GP2: variants seen among roughly 807,000 people sequenced by gnomAD.
GP2 encodes glycoprotein 2.
Under a neutral mutation model 60.8 loss-of-function variants are expected in GP2, and 58 were observed. The observed-to-expected ratio is 0.95, with a 90% CI of 0.77 to 1.19. The LOEUF is 1.19. Ranked by LOEUF, GP2 falls within the 50% of genes most tolerant of loss-of-function variation. The pLI is 0.00. For synonymous variants in GP2, 280 were observed against 253.4 expected (o/e 1.10, Z -1.00); for missense variants, 647 against 667.4 (o/e 0.97, Z 0.34).
In GP2 at chr16:20,320,325, C is replaced by T. The variant is rs978533153; in HGVS notation, c.795G>A (p.Glu265=). The change falls in exon 5 of 11, where the codon GAG becomes GAA. Residue 265 remains glutamate, a synonymous_variant. Transcript: ENST00000302555. ...DPNCSSILQT[E]ERNWVSVTSP... ...TGGTCACAGATACCCAGTTCCTCTC[C>T]TCTGTCTGCAAGATGCTGCTGCAGT... The T allele has an allele frequency of 6.2e-7, 1 of 1,614,184 alleles. No individual in the cohort carries two copies. Among genetic ancestry groups the T allele is most frequent in the African/African-American group, 1.3e-5 (1 of 75,064 alleles).
rs183486625 is a variant in GP2 at position 20,320,841 on chromosome 16, A to G, written c.647-368T>C. 9.2e-5 allele frequency among the ~76,000 whole-genome samples: 14 copies of G among 152,302 alleles called. No homozygotes were observed. The South Asian group carries it at 1.7e-3, about 18-fold the overall frequency. ...GCTATCATATTTTAACTCAACATTT[A>G]TTCAACACACAACTTCTTGAGAATC... On this transcript the variant is annotated intron_variant, in intron 4 of 10. Transcript: ENST00000302555.
chr16:20,318,113 G>C, intron 7 of GP2, 72 bp downstream of exon 7: 1 of 1,235,684 alleles, frequency 8.1e-7, no homozygotes, highest in African/African-American at 1.5e-5. Context: ...ACGTCTGCTG[G>C]GGATGGATGA....
rs150319890 is a variant in GP2 at position 20,326,340 on chromosome 16, C to T, written c.92G>A (p.Arg31Gln). The change falls in exon 2 of 11, where the codon CGA (arginine) becomes CAA (glutamine). Residue 31 changes from arginine to glutamine, a missense_variant and splice_region_variant. Arg to Gln is a conservative substitution (Grantham distance 43). Coordinates refer to ENST00000302555, the MANE Select transcript of GP2 (RefSeq NM_001502.4). ...TGCCAGGTGAGCAGAATACTTACCTCGCTGCACTGCAGATGCCTGGGTCAG... is the reference window on the plus strand; with the variant it reads ...TGCCAGGTGAGCAGAATACTTACCTTGCTGCACTGCAGATGCCTGGGTCAG... The part of the protein sequence containing the change: ...CILTQASAVQ[R>Q]GYGNPIEASS... 232 of 1,613,638 alleles carry T rather than the reference C, an allele frequency of 1.4e-4. No individual in the cohort carries two copies. Among genetic ancestry groups the T allele is most frequent in the South Asian group, 8.8e-5 (8 of 91,076 alleles).
At position 20,327,476 on chromosome 16, in the gene GP2, G is replaced by A; in HGVS notation, c.-46C>T. 7.8e-7 allele frequency: 1 copy of A among 1,288,704 alleles called. No individual in the cohort carries two copies. The highest frequency in any genetic ancestry group is 1.0e-6 in the Non-Finnish European group (1 of 988,332). 79.8% of individuals were successfully genotyped at this position (1,288,704 alleles called of 1,614,324 possible). On this transcript the variant is annotated 5_prime_UTR_variant, in exon 1 of 11. Transcript: ENST00000302555. ...TTAAAGCAGGACTTACCTCCGATGA[G>A]AACACAAAGCGTTCCTCCTCTGGCC... is the stretch of plus-strand genomic sequence containing the variant.
In GP2 at chr16:20,319,674, G is replaced by A. The variant is rs1452855493; in HGVS notation, c.953C>T (p.Ala318Val). Reference protein sequence around the residue: ...DTILNINFQCAYPLDMKVSLQ... With the variant: ...DTILNINFQCVYPLDMKVSLQ... Reference sequence around the variant, plus strand: ...GCTGACTTTCATGTCCAGTGGGTAGGCACATTGGAAGTTGATGTTGAGGAT... The same window carrying A: ...GCTGACTTTCATGTCCAGTGGGTAGACACATTGGAAGTTGATGTTGAGGAT... Residue 318 changes from alanine (A) to valine (V), a missense_variant, in exon 6 of 11, where the codon GCC (alanine) becomes GTC (valine). Physicochemically the swap from Ala to Val is moderately conservative, Grantham distance 64. Coordinates refer to ENST00000302555, the MANE Select transcript of GP2 (RefSeq NM_001502.4). The A allele has an allele frequency of 1.9e-6, 3 of 1,606,794 alleles. No homozygotes were observed. The highest frequency in any genetic ancestry group is 2.7e-5 in the African/African-American group (2 of 74,884).
intron 3 of GP2, chr16:20,323,496 CTT>C (rs367921185): frequency 2.6e-6 from 1 of 378,260 alleles, no homozygotes; most frequent in South Asian, 2.5e-5. Context: ...CCCCCCCCCC[CTT>C]TTTTTCAGAT....
intron 2 of GP2, among the ~76,000 whole-genome samples, chr16:20,324,898 C>T (rs1285319576): frequency 6.6e-6 from 1 of 152,204 alleles, no homozygotes; most frequent in Non-Finnish European, 1.5e-5. Flanking sequence ...CTGGAGGAGC[C>T]ATCCTGTGCA....
intron 1 of GP2, chr16:20,326,685 A>T (rs188166618): frequency 2.7e-4 from 124 of 461,272 alleles, no homozygotes; most frequent in Middle Eastern, 5.7e-4. Context: ...AGGTCTCAGG[A>T]TGGTCCCTGC....
rs145158978 is a variant in GP2 at position 20,322,900 on chromosome 16, G to T, written c.615C>A (p.Gly205=). Residue 205 remains glycine (G), a synonymous_variant, in exon 4 of 11, where the codon GGC becomes GGA. Coordinates refer to ENST00000302555, the MANE Select transcript of GP2 (RefSeq NM_001502.4). ...EECLALNSTW[G]CFCRQDLNSS... ...TATTGAGGTCCTGTCTGCAGAAACA[G>T]CCCCAGGTGCTGTTGAGGGCAAGGC... 1.2e-6 allele frequency: 2 copies of T among 1,610,450 alleles called. No homozygotes were observed. The highest frequency in any genetic ancestry group is 1.7e-6 in the Non-Finnish European group (2 of 1,176,666).
intron 4 of GP2, 26 bp from the exon 5 acceptor site, chr16:20,320,499 A>G: frequency 6.6e-7 from 1 of 1,508,828 alleles, no homozygotes; most frequent in Non-Finnish European, 9.2e-7. Flanking sequence ...GAAGGCAAGT[A>G]GAATGGACAT....
intron 10 of GP2, among the ~76,000 whole-genome samples, chr16:20,312,299 A>G (rs1050315786): frequency 6.6e-6 from 1 of 152,212 alleles, no homozygotes; most frequent in Non-Finnish European, 1.5e-5. Context: ...CATTACCCCA[A>G]TTTCAAAGTA....
intron 2 of GP2, among the ~76,000 whole-genome samples, chr16:20,324,800 C>A (rs1490644494): frequency 6.6e-6 from 1 of 152,180 alleles, no homozygotes; most frequent in Non-Finnish European, 1.5e-5. Flanking sequence ...CTTAATATAA[C>A]ATAGACATTT....
chr16:20,314,664 G>T lies in GP2; in HGVS notation c.1539C>A (p.Ser513Arg). The change falls in exon 10 of 11, where the codon AGC (serine) becomes AGA (arginine). Residue 513 changes from serine to arginine, a missense_variant. Ser to Arg is a moderately radical substitution (Grantham distance 110, BLOSUM62 -1). Coordinates refer to ENST00000302555, the MANE Select transcript of GP2 (RefSeq NM_001502.4). The part of the protein sequence containing the change: ...QSPGVMNGTP[S>R]TAGFLVAWPM... ...CATGAGAAAATGATGTACCTGCAGT[G>T]CTAGGGGTTCCATTCATGACACCGG... is the stretch of plus-strand genomic sequence containing the variant. 1.3e-6 allele frequency: 2 copies of T among 1,599,014 alleles called. No individual in the cohort carries two copies. The highest frequency in any genetic ancestry group is 8.6e-7 in the Non-Finnish European group (1 of 1,166,184).
chr16:20,314,409 C>A (rs897673140), intron 10 of GP2, among the ~76,000 whole-genome samples: 2 of 151,776 alleles, frequency 1.3e-5, no homozygotes, highest in Non-Finnish European at 1.5e-5. Context: ...GGGTAGGCAC[C>A]TGGGCTGTTT....
At chr16:20,312,536 C>G (rs1234071326) in intron 10 of GP2, among the ~76,000 whole-genome samples, 1 of 152,148 alleles carries the variant, frequency 6.6e-6, no homozygotes, top group South Asian at 2.1e-4. Context: ...AATCTACCAC[C>G]CATTCTAGAA....
intron 2 of GP2, among the ~76,000 whole-genome samples, chr16:20,324,458 A>T (rs1027748196): frequency 2.0e-5 from 3 of 152,182 alleles, no homozygotes; most frequent in African/African-American, 7.2e-5. Context: ...ACAGGCATTG[A>T]GGACATCAGG....
At chr16:20,323,547 A>T (rs11642830) in intron 3 of GP2, 1 of 591,564 alleles carries the variant, frequency 1.7e-6, no homozygotes, top group East Asian at 3.0e-5. Context: ...TAAACTTCTC[A>T]AATGGAGCCA....
intron 9 of GP2, among the ~76,000 whole-genome samples, chr16:20,315,514 G>A (rs1246639850): frequency 1.3e-5 from 2 of 152,228 alleles, no homozygotes; most frequent in Middle Eastern, 3.4e-3. Flanking sequence ...GCATTTAGAC[G>A]GGATTTAGGA....
rs755907754 is a variant in GP2 at position 20,324,108 on chromosome 16, C to G, written c.243G>C (p.Gly81=). 1 of 1,614,188 alleles carries G rather than the reference C, an allele frequency of 6.2e-7. No individual in the cohort carries two copies. The highest frequency in any genetic ancestry group is 8.5e-7 in the Non-Finnish European group (1 of 1,179,996). ...TCATGTTTTTATCGCACCCCTGGGACCCTGCTGAGTTCTCTGTGCTTCGGA... is the reference window on the plus strand; with the variant it reads ...TCATGTTTTTATCGCACCCCTGGGAGCCTGCTGAGTTCTCTGTGCTTCGGA... ...EPFRSTENSA[G]SQGCDKNMSG... is the part of the protein sequence containing the mutation. The change falls in exon 3 of 11, where the codon GGG becomes GGC. Residue 81 remains glycine (G), a synonymous_variant. Transcript: ENST00000302555.
Sources: gnomAD v4.1 joint callset for allele counts (sites outside exome capture counted in the v4.1 genomes callset) on GRCh38, gnomAD v4.1.1 for gene constraint, MANE v1.5 for transcripts, NCBI Gene and HGNC (gene_info 2026-07-23, HGNC 2026-07-21) for gene names.